CDH13: variants seen among roughly 807,000 people sequenced by gnomAD.
CDH13 encodes the protein cadherin-13.
CDH13 carries 24 observed loss-of-function variants against 63.8 expected under a neutral mutation model. The ratio of observed to expected loss-of-function variants is 0.38; its 90% CI spans 0.27 to 0.53. The LOEUF (loss-of-function observed/expected upper bound fraction) is 0.53, where lower values mean the gene tolerates loss of function less well. CDH13 is among the 20% of genes least tolerant of loss of function. The pLI is 0.85. For missense variants in CDH13, 1,049 were observed against 903.1 expected, an observed-to-expected ratio of 1.16 and a Z score of -2.07; for synonymous variants, 503 against 355.3, an observed-to-expected ratio of 1.42 and a Z score of -4.67.
At chr16:83,624,344 A>AC (rs201297295) in intron 8 of CDH13, among the ~76,000 whole-genome samples, 4 of 148,180 alleles carry the variant, frequency 2.7e-5, no homozygotes, top group East Asian at 2.0e-4. Flanking sequence ...TAACGCCCCC[A>AC]CCCCTGCCCC....
At chr16:83,077,342 C>G (rs867941609) in intron 3 of CDH13, among the ~76,000 whole-genome samples, 2 of 151,422 alleles carry the variant, frequency 1.3e-5, no homozygotes, top group Admixed American at 6.6e-5. Flanking sequence ...CAGGTGCACA[C>G]CACCATGCCT....
At chr16:82,707,402 G>A (rs1290063438) in intron 1 of CDH13, among the ~76,000 whole-genome samples, 1 of 152,188 alleles carries the variant, frequency 6.6e-6, no homozygotes, top group Admixed American at 6.5e-5. Flanking sequence ...GAATGAGCAG[G>A]GGTATAATGG....
chr16:83,207,578 C>G (rs139314476), intron 4 of CDH13, among the ~76,000 whole-genome samples: 4 of 152,054 alleles, frequency 2.6e-5, no homozygotes, highest in African/African-American at 9.7e-5. Flanking sequence ...GTGAGAAATC[C>G]TACAGAATGC....
chr16:83,045,120 A>T (rs1917659784), intron 3 of CDH13, among the ~76,000 whole-genome samples: 1 of 152,052 alleles, frequency 6.6e-6, no homozygotes, highest in African/African-American at 2.4e-5. Flanking sequence ...GGTCGGCATG[A>T]CTCCTATTAG....
chr16:82,682,526 G>A (rs1597311149), intron 1 of CDH13, among the ~76,000 whole-genome samples: 1 of 152,094 alleles, frequency 6.6e-6, no homozygotes, highest in Non-Finnish European at 1.5e-5. Flanking sequence ...TTAAACTGAT[G>A]GGATCCATAT....
chr16:83,514,171 C>T (rs2074644411), intron 7 of CDH13, among the ~76,000 whole-genome samples: 1 of 152,184 alleles, frequency 6.6e-6, no homozygotes, highest in African/African-American at 2.4e-5. Context: ...ACTTAATCCT[C>T]ACAATTACTC....
At chr16:83,132,570 C>T (rs577803675) in intron 4 of CDH13, among the ~76,000 whole-genome samples, 42 of 151,480 alleles carry the variant, frequency 2.8e-4, no homozygotes, top group Non-Finnish European at 5.5e-4. Flanking sequence ...GCTCAGCCTC[C>T]CTAACTGGGA....
In CDH13 at chr16:82,748,937, G is replaced by A. The variant is rs898862; in HGVS notation, c.46-109425G>A. 0.022 allele frequency among the ~76,000 whole-genome samples: 3,330 copies of A among 152,170 alleles called. 234 individuals are homozygous for A. The East Asian group carries it at 0.26, about 12-fold the overall frequency. On this transcript the variant is annotated intron_variant, in intron 1 of 13. Transcript: ENST00000567109. ...TGGCCAATCAGATCACTAATTGTCC[G>A]GTCTCAGCGATTGATCTAGACACAT...
intron 3 of CDH13, among the ~76,000 whole-genome samples, chr16:83,111,646 C>A (rs186658399): frequency 1.3e-5 from 2 of 152,196 alleles, no homozygotes; most frequent in East Asian, 3.9e-4. Flanking sequence ...TATGTTTGGT[C>A]AGAGCACTCA....
intron 8 of CDH13, among the ~76,000 whole-genome samples, chr16:83,625,366 A>C (rs1366199323): frequency 6.6e-6 from 1 of 152,160 alleles, no homozygotes; most frequent in East Asian, 1.9e-4. Flanking sequence ...TACCCTGTTT[A>C]AAGGACGGTC....
intron 4 of CDH13, among the ~76,000 whole-genome samples, chr16:83,212,760 T>A (rs2039377258): frequency 6.6e-6 from 1 of 152,108 alleles, no homozygotes; most frequent in Non-Finnish European, 1.5e-5. Flanking sequence ...GAGGGGGGAT[T>A]GTTAAAGCTC....
chr16:83,631,198 C>G (rs148128719), intron 8 of CDH13, among the ~76,000 whole-genome samples: 3 of 152,344 alleles, frequency 2.0e-5, no homozygotes, highest in African/African-American at 4.8e-5. Context: ...CTCAGGTTAT[C>G]TGGCAGAATT....
chr16:82,999,784 A>G (rs1374324799), intron 2 of CDH13, among the ~76,000 whole-genome samples: 1 of 152,156 alleles, frequency 6.6e-6, no homozygotes. Flanking sequence ...GTTTCCATAT[A>G]TCTCTGTCCT....
intron 10 of CDH13, among the ~76,000 whole-genome samples, chr16:83,719,948 T>A (rs984317026): frequency 4.6e-5 from 7 of 152,070 alleles, no homozygotes; most frequent in Non-Finnish European, 5.9e-5. Context: ...GGAATCTACA[T>A]CTCCCTGCAC....
chr16:83,024,672 C>T (rs1413554050), intron 2 of CDH13, among the ~76,000 whole-genome samples: 2 of 152,166 alleles, frequency 1.3e-5, no homozygotes, highest in Non-Finnish European at 2.9e-5. Context: ...TTATTGCAAT[C>T]ATTAGTGTAA....
At chr16:83,481,180 G>C (rs2073751933) in intron 6 of CDH13, among the ~76,000 whole-genome samples, 1 of 152,310 alleles carries the variant, frequency 6.6e-6, no homozygotes, top group East Asian at 1.9e-4. Context: ...TCCCTGGAAA[G>C]CACACTGTTG....
chr16:83,282,889 C>G (rs975133328), intron 5 of CDH13, among the ~76,000 whole-genome samples: 3 of 152,154 alleles, frequency 2.0e-5, no homozygotes, highest in African/African-American at 7.2e-5. Context: ...GGTTGATAGG[C>G]TAACATGTAA....
chr16:83,009,052 A>T (rs1448200188), intron 2 of CDH13, among the ~76,000 whole-genome samples: 1 of 152,218 alleles, frequency 6.6e-6, no homozygotes, highest in African/African-American at 2.4e-5. Context: ...AACTACTGCC[A>T]TTATTCAATT....
intron 2 of CDH13, among the ~76,000 whole-genome samples, chr16:82,893,954 C>G (rs1216802666): frequency 6.6e-6 from 1 of 152,184 alleles, no homozygotes; most frequent in African/African-American, 2.4e-5. Flanking sequence ...TTTTCCTGCT[C>G]TACTTTAATC....
Sources: gnomAD v4.1 joint callset for allele counts (sites outside exome capture counted in the v4.1 genomes callset) on GRCh38, gnomAD v4.1.1 for gene constraint, MANE v1.5 for transcripts, NCBI Gene and HGNC (gene_info 2026-07-23, HGNC 2026-07-21) for gene names.